PDE4D: variants seen among roughly 807,000 people sequenced by gnomAD.
PDE4D encodes the protein 3',5'-cyclic-AMP phosphodiesterase 4D.
In PDE4D, 24 loss-of-function variants were observed where a neutral mutation model predicts 87.4. That is an observed-to-expected ratio of 0.27 (90% CI 0.20 to 0.39). PDE4D has a LOEUF of 0.39. PDE4D is among the 10% of genes least tolerant of loss of function. The pLI, the probability that PDE4D is intolerant of heterozygous loss-of-function variation, is 1.00. For missense variants in PDE4D, 714 were observed against 1,041.0 expected (o/e 0.69, Z 4.32); for synonymous variants, 384 against 383.2 (o/e 1.00, Z -0.02).
At chr5:59,373,581 G>A (rs1469987208) in intron 1 of PDE4D, among the ~76,000 whole-genome samples, 1 of 152,088 alleles carries the variant, frequency 6.6e-6, no homozygotes, top group Non-Finnish European at 1.5e-5. Context: ...AATACATGAG[G>A]AGAATGAAGC....
intron 5 of PDE4D, among the ~76,000 whole-genome samples, chr5:59,127,864 C>T (rs1775684416): frequency 6.6e-6 from 1 of 152,050 alleles, no homozygotes; most frequent in Non-Finnish European, 1.5e-5. Context: ...CGTTCCTAAT[C>T]AGCGCTGCAA....
chr5:59,687,784 A>T (rs1280383599), intron 1 of PDE4D, among the ~76,000 whole-genome samples: 1 of 152,208 alleles, frequency 6.6e-6, no homozygotes, highest in Non-Finnish European at 1.5e-5. Flanking sequence ...AAATTGGATA[A>T]AGAGTCAAGA....
intron 1 of PDE4D, among the ~76,000 whole-genome samples, chr5:59,753,959 G>A (rs1760850093): frequency 6.6e-6 from 1 of 152,080 alleles, no homozygotes; most frequent in Non-Finnish European, 1.5e-5. Flanking sequence ...TGGAACTTCT[G>A]TTTTTTTACT....
At chr5:59,090,578 T>C (rs929499290) in intron 5 of PDE4D, among the ~76,000 whole-genome samples, 2 of 152,098 alleles carry the variant, frequency 1.3e-5, no homozygotes, top group African/African-American at 4.8e-5. Context: ...TCATCATCTC[T>C]TTTATACATG....
chr5:59,004,325 T>A (rs1166422459), intron 6 of PDE4D, among the ~76,000 whole-genome samples: 3 of 152,208 alleles, frequency 2.0e-5, no homozygotes, highest in African/African-American at 4.8e-5. Context: ...TTTACTCACA[T>A]GGAAAATGAG....
chr5:60,108,251 CA>C (rs1218517914), intron 2 of PDE4D, among the ~76,000 whole-genome samples: 3 of 151,540 alleles, frequency 2.0e-5, no homozygotes, highest in Non-Finnish European at 2.9e-5. Flanking sequence ...AGTGAACTCC[CA>C]TTCACAATTG....
chr5:59,987,145 G>C (rs1762532462), intron 3 of PDE4D: 1 of 152,150 alleles, frequency 6.6e-6, no homozygotes, highest in Non-Finnish European at 1.5e-5. Context: ...GTGATCTTGG[G>C]ATCCCTGGAT....
chr5:60,048,495 G>A (rs977002524), intron 2 of PDE4D, among the ~76,000 whole-genome samples: 1 of 151,980 alleles, frequency 6.6e-6, no homozygotes, highest in East Asian at 1.9e-4. Context: ...ATTTTGCAGT[G>A]GCTGGTACCA....
chr5:59,437,313 C>A (rs2153634411), intron 1 of PDE4D, among the ~76,000 whole-genome samples: 1 of 152,266 alleles, frequency 6.6e-6, no homozygotes, highest in East Asian at 1.9e-4. Context: ...ACTTCTTCGA[C>A]AGATGTCCTA....
chr5:59,566,575 TGTGTGTGTGA>T (rs1428482734), intron 1 of PDE4D, among the ~76,000 whole-genome samples: 1 of 54,740 alleles, frequency 1.8e-5, no homozygotes, highest in African/African-American at 5.6e-5. Context: ...TGTGTGTGTG[TGTGTGTGTGA>T]GAGAATGAGA....
intron 1 of PDE4D, among the ~76,000 whole-genome samples, chr5:59,807,255 C>T (rs1202489503): frequency 6.6e-6 from 1 of 152,208 alleles, no homozygotes; most frequent in Non-Finnish European, 1.5e-5. Context: ...AGTCCTGCCT[C>T]TTCCTTTGCA....
chr5:60,283,300 T>C (rs576470159), intron 1 of PDE4D, among the ~76,000 whole-genome samples: 8 of 152,278 alleles, frequency 5.3e-5, no homozygotes, highest in African/African-American at 1.9e-4. Context: ...AAATTTTGGT[T>C]AATATATAGG....
intron 1 of PDE4D, among the ~76,000 whole-genome samples, chr5:59,857,000 G>C (rs1745539016): frequency 6.6e-6 from 1 of 152,002 alleles, no homozygotes; most frequent in Non-Finnish European, 1.5e-5. Context: ...ACTAACTTCA[G>C]CATTGATTAT....
chr5:59,757,297 C>T (rs1405437510), intron 1 of PDE4D, among the ~76,000 whole-genome samples: 6 of 152,104 alleles, frequency 3.9e-5, no homozygotes, highest in Non-Finnish European at 7.4e-5. Flanking sequence ...AAAGTCAGAC[C>T]ACCAACTCAA....
chr5:60,016,143 G>A (rs369064055), intron 2 of PDE4D, among the ~76,000 whole-genome samples: 1 of 151,756 alleles, frequency 6.6e-6, no homozygotes, highest in African/African-American at 2.4e-5. Context: ...CTGCAATAAA[G>A]CAAATATTGT....
At chr5:59,839,854 A>C (rs1246061759) in intron 1 of PDE4D, among the ~76,000 whole-genome samples, 1 of 152,086 alleles carries the variant, frequency 6.6e-6, no homozygotes, top group African/African-American at 2.4e-5. Flanking sequence ...TGCCCACTAC[A>C]AGGAGAGGTT....
chr5:59,089,959 A>G (rs1007862718), intron 5 of PDE4D, among the ~76,000 whole-genome samples: 2 of 152,168 alleles, frequency 1.3e-5, no homozygotes, highest in Non-Finnish European at 2.9e-5. Flanking sequence ...TGACCACGTC[A>G]AGCTGCACAT....
intron 2 of PDE4D, among the ~76,000 whole-genome samples, chr5:60,104,339 CG>C (rs1388194751): frequency 6.6e-5 from 10 of 152,328 alleles, no homozygotes; most frequent in African/African-American, 2.4e-4. Flanking sequence ...GGCTTGCTTA[CG>C]TAAACAAAGC....
At chr5:59,635,272 G>C (rs913288736) in intron 1 of PDE4D, among the ~76,000 whole-genome samples, 2 of 152,118 alleles carry the variant, frequency 1.3e-5, no homozygotes, top group Non-Finnish European at 2.9e-5. Context: ...AAAAAGCCCA[G>C]GACCAGATGA....
Sources: gnomAD v4.1 joint callset for allele counts (sites outside exome capture counted in the v4.1 genomes callset) on GRCh38, gnomAD v4.1.1 for gene constraint, MANE v1.5 for transcripts, NCBI Gene and HGNC (gene_info 2026-07-23, HGNC 2026-07-21) for gene names.